BTBD8: variants seen among roughly 807,000 people sequenced by gnomAD.
BTBD8 encodes the protein BTB domain containing 8, also known as BTB/POZ domain-containing protein 8.
Under a neutral mutation model 162.9 loss-of-function variants are expected in BTBD8, and 110 were observed. The ratio of observed to expected loss-of-function variants is 0.68; its 90% CI spans 0.58 to 0.79. The LOEUF is 0.79. BTBD8 is among the 30% of genes least tolerant of loss of function. The probability of loss-of-function intolerance (pLI) is 0.00; values close to 1 mark genes in which losing one functional copy is unlikely to be tolerated. For synonymous variants in BTBD8, 667 were observed against 716.1 expected (o/e 0.93, Z 1.10); for missense variants, 1,905 against 2,085.4 (o/e 0.91, Z 1.68).
At chr1:92,126,281 G>C (rs1022421393) in intron 4 of BTBD8, 13 of 600,112 alleles carry the variant, frequency 2.2e-5, no homozygotes, top group Non-Finnish European at 3.9e-5. Context: ...GAAGATTGGG[G>C]CCTTCTGATT....
chr1:92,153,442 T>C (rs1460298491), intron 9 of BTBD8, among the ~76,000 whole-genome samples: 1 of 152,182 alleles, frequency 6.6e-6, no homozygotes, highest in East Asian at 1.9e-4. Context: ...AATACAGTAT[T>C]GTCAATTACA....
At position 92,080,701 on chromosome 1, in the gene BTBD8, C is replaced by T; in HGVS notation, c.130C>T (p.Leu44Phe). 6.2e-7 allele frequency: 1 copy of T among 1,611,826 alleles called. No homozygotes were observed. The highest frequency in any genetic ancestry group is 8.5e-7 in the Non-Finnish European group (1 of 1,179,196). Reference protein sequence around the residue: ...RRLKATVSEQLSQDLLRLLRE... With the variant: ...RRLKATVSEQFSQDLLRLLRE... ...GCTGAAGGCGACGGTGTCGGAGCAGCTCAGCCAGGATTTGCTCAGGTAGGA... is the reference window on the plus strand; with the variant it reads ...GCTGAAGGCGACGGTGTCGGAGCAGTTCAGCCAGGATTTGCTCAGGTAGGA... Residue 44 changes from leucine (L) to phenylalanine (F), a missense_variant, in exon 1 of 18, where the codon CTC becomes TTC. Physicochemically the swap from Leu to Phe is conservative, Grantham distance 22 (BLOSUM62 0). Coordinates refer to ENST00000636805, the MANE Select transcript of BTBD8 (RefSeq NM_001376131.1).
At chr1:92,169,100 T>C in intron 12 of BTBD8, 105 bp downstream of exon 12, 1 of 1,112,506 alleles carries the variant, frequency 9.0e-7, no homozygotes, top group Non-Finnish European at 1.2e-6. Context: ...TGTGTGCTTC[T>C]GTTGGATAAT....
At chr1:92,138,677 G>A (rs1247250541) in intron 5 of BTBD8, among the ~76,000 whole-genome samples, 2 of 152,172 alleles carry the variant, frequency 1.3e-5, no homozygotes, top group Non-Finnish European at 2.9e-5. Context: ...ACTCCCTTTA[G>A]TATAGAGGAA....
At chr1:92,091,636 T>G (rs1441912798) in intron 2 of BTBD8, among the ~76,000 whole-genome samples, 1 of 152,102 alleles carries the variant, frequency 6.6e-6, no homozygotes, top group Non-Finnish European at 1.5e-5. Context: ...CCGGTCGCCA[T>G]TCTCCTGCCT....
chr1:92,081,561 A>G (rs969411453), intron 1 of BTBD8, among the ~76,000 whole-genome samples: 3 of 152,074 alleles, frequency 2.0e-5, no homozygotes, highest in South Asian at 4.1e-4. Flanking sequence ...AATAATTAAA[A>G]GTTGTGCAGC....
At chr1:92,106,268 C>G (rs145034136) in intron 3 of BTBD8, among the ~76,000 whole-genome samples, 1 of 152,134 alleles carries the variant, frequency 6.6e-6, no homozygotes, top group African/African-American at 2.4e-5. Context: ...ATTTAATGCA[C>G]GATGGATGGC....
Position 92,141,223 on chromosome 1 carries a change from G to T in BTBD8, c.930+12G>T. 6.4e-7 allele frequency: 1 copy of T among 1,571,444 alleles called. No individual in the cohort carries two copies. Among genetic ancestry groups the T allele is most frequent in the Non-Finnish European group, 8.7e-7 (1 of 1,155,392 alleles). On this transcript the variant is annotated intron_variant, in intron 7 of 17. Coordinates refer to ENST00000636805, the MANE Select transcript of BTBD8 (RefSeq NM_001376131.1). ...ATTTCTTTCAGAAGGTAATTATTGA[G>T]CCTCAGAAATCTTTTATCCAGTGCA...
At chr1:92,148,148 C>T (rs1649969365) in intron 9 of BTBD8, among the ~76,000 whole-genome samples, 1 of 152,178 alleles carries the variant, frequency 6.6e-6, no homozygotes, top group Non-Finnish European at 1.5e-5. Context: ...TCAAGGGAAT[C>T]AGCCATCTAC....
chr1:92,109,107 C>T (rs757862123), intron 4 of BTBD8, among the ~76,000 whole-genome samples: 2 of 152,038 alleles, frequency 1.3e-5, no homozygotes, highest in Non-Finnish European at 1.5e-5. Context: ...TATACATATA[C>T]GTATTTTCCT....
intron 17 of BTBD8, among the ~76,000 whole-genome samples, chr1:92,182,903 A>C (rs1284381718): frequency 6.6e-6 from 1 of 152,036 alleles, no homozygotes; most frequent in African/African-American, 2.4e-5. Context: ...ATTTATGTAT[A>C]ATTTAACACA....
At chr1:92,177,994 AT>A (rs1197593292) in intron 15 of BTBD8, 96 bp downstream of exon 15, 3 of 629,318 alleles carry the variant, frequency 4.8e-6, no homozygotes, top group Middle Eastern at 4.3e-4. Flanking sequence ...AATATCTTTT[AT>A]TTTTTGTTAA....
At position 92,118,287 on chromosome 1, in the gene BTBD8, T is replaced by C. The variant is rs77919656; in HGVS notation, c.662+10286T>C. ...GTAACAGTTTTTCAGACTTTCTTTT[T>C]TTTTTTTTTTTTTTTGATGACATTC... is the stretch of plus-strand genomic sequence containing the variant. On this transcript the variant is annotated intron_variant, in intron 4 of 17. Transcript: ENST00000636805. Among the ~76,000 whole-genome samples the C allele has an allele frequency of 1.2e-3, 30 of 24,538 alleles. 1 individual carries two copies. Among genetic ancestry groups the C allele is most frequent in the African/African-American group, 3.7e-3 (30 of 8,018 alleles). 16.1% of individuals were successfully genotyped at this position (24,538 alleles called of 152,430 possible).
At chr1:92,164,703 C>G (rs1650345938) in intron 9 of BTBD8, among the ~76,000 whole-genome samples, 1 of 147,702 alleles carries the variant, frequency 6.8e-6, no homozygotes, top group African/African-American at 2.5e-5. Context: ...GCTCTGTCCC[C>G]CAGGCTGGAG....
At chr1:92,112,509 G>A (rs525834) in intron 4 of BTBD8, among the ~76,000 whole-genome samples, 4,779 of 152,234 alleles carry the variant, frequency 0.031, 88 homozygotes, top group African/African-American at 0.039. Flanking sequence ...TGGGCCTTAT[G>A]ATAAAAGATT....
intron 2 of BTBD8, among the ~76,000 whole-genome samples, chr1:92,093,238 GT>G (rs1173967752): frequency 2.7e-5 from 4 of 145,482 alleles, no homozygotes; most frequent in African/African-American, 1.0e-4. Flanking sequence ...CATTGCCTAG[GT>G]TGGAGTGCAA....
At chr1:92,173,794 A>G (rs1650626982) in intron 13 of BTBD8, among the ~76,000 whole-genome samples, 1 of 152,232 alleles carries the variant, frequency 6.6e-6, no homozygotes, top group Non-Finnish European at 1.5e-5. Context: ...TGTGAAAATT[A>G]GGTGAAATAA....
At chr1:92,166,285 G>C (rs1570753148) in intron 9 of BTBD8, among the ~76,000 whole-genome samples, 1 of 152,026 alleles carries the variant, frequency 6.6e-6, no homozygotes, top group Non-Finnish European at 1.5e-5. Flanking sequence ...GTGCTATGCT[G>C]GTGTAGCCAT....
intron 4 of BTBD8, among the ~76,000 whole-genome samples, chr1:92,108,419 T>G (rs1425821610): frequency 6.6e-6 from 1 of 152,242 alleles, no homozygotes; most frequent in Non-Finnish European, 1.5e-5. Flanking sequence ...TTGAGAAGTA[T>G]TATTTCTACA....
Sources: allele counts gnomAD v4.1 joint callset (sites outside exome capture counted in the v4.1 genomes callset), GRCh38; gene constraint gnomAD v4.1.1; transcripts MANE v1.5; gene names NCBI Gene and HGNC (gene_info 2026-07-23, HGNC 2026-07-21).